Variants in TMEM182 observed in about 807,000 individuals in gnomAD.
TMEM182 encodes the protein transmembrane protein 182.
A neutral mutation model predicts 26.8 loss-of-function variants in TMEM182; 20 were observed. The ratio of observed to expected loss-of-function variants is 0.75; its 90% CI spans 0.53 to 1.09. The LOEUF is 1.09. TMEM182 is among the 50% of genes least tolerant of loss of function. TMEM182 has a pLI of 0.00. For missense variants in TMEM182, 277 were observed against 275.5 expected, an observed-to-expected ratio of 1.01 and a Z score of -0.04; for synonymous variants, 109 against 102.2, an observed-to-expected ratio of 1.07 and a Z score of -0.40.
At chr2:102,749,771 C>T (rs1302222645) in intron 1 of TMEM182, among the ~76,000 whole-genome samples, 1 of 151,758 alleles carries the variant, frequency 6.6e-6, no homozygotes. Flanking sequence ...CTTTGTATGA[C>T]AATATAAAGT....
chr2:102,762,427 T>C (rs1245318646), intron 1 of TMEM182, 78 bp downstream of exon 1: 2 of 1,586,866 alleles, frequency 1.3e-6, no homozygotes, highest in Admixed American at 3.5e-5. Context: ...AATCAGAGAA[T>C]AGTAGTGGAG....
At chr2:102,838,809 A>C (rs1402578514) in intron 3 of TMEM182, among the ~76,000 whole-genome samples, 1 of 152,212 alleles carries the variant, frequency 6.6e-6, no homozygotes, top group African/African-American at 2.4e-5. Context: ...TTAGGCAGAG[A>C]GACCATGAGA....
chr2:102,832,294 T>G (rs1212150770), intron 3 of TMEM182, among the ~76,000 whole-genome samples: 1 of 152,210 alleles, frequency 6.6e-6, no homozygotes, highest in Non-Finnish European at 1.5e-5. Flanking sequence ...CTTTTGGTAT[T>G]GTTATAGTTA....
At chr2:102,766,253 A>G (rs771898567) in intron 3 of TMEM182, among the ~76,000 whole-genome samples, 10 of 152,244 alleles carry the variant, frequency 6.6e-5, no homozygotes, top group Non-Finnish European at 1.3e-4. Context: ...CATGATAATT[A>G]TGATGGAGAT....
chr2:102,814,699 A>G, intron 4 of TMEM182, 49 bp from the exon 5 acceptor site: 1 of 1,539,760 alleles, frequency 6.5e-7, no homozygotes, highest in Non-Finnish European at 8.8e-7. Context: ...AGCGTTCTTG[A>G]GAAAACATCT....
chr2:102,786,908 A>T (rs184591810), intron 3 of TMEM182, among the ~76,000 whole-genome samples: 1 of 152,346 alleles, frequency 6.6e-6, no homozygotes, highest in East Asian at 1.9e-4. Flanking sequence ...TACAGTGCTC[A>T]GTCTAGTGAC....
intron 4 of TMEM182, among the ~76,000 whole-genome samples, chr2:102,804,047 G>A (rs1003595886): frequency 2.6e-5 from 4 of 152,216 alleles, no homozygotes; most frequent in Non-Finnish European, 4.4e-5. Flanking sequence ...TGCACACTGT[G>A]GACAAGCGCA....
intron 4 of TMEM182, among the ~76,000 whole-genome samples, chr2:102,809,202 T>C (rs1378990265): frequency 6.6e-6 from 1 of 152,240 alleles, no homozygotes; most frequent in African/African-American, 2.4e-5. Context: ...GAAGATGTTT[T>C]ATGTATTTTC....
chr2:102,836,764 A>G (rs1445129701), intron 3 of TMEM182, among the ~76,000 whole-genome samples: 1 of 152,216 alleles, frequency 6.6e-6, no homozygotes, highest in Non-Finnish European at 1.5e-5. Context: ...GGACACAGGA[A>G]GAGAACTCGG....
intron 3 of TMEM182, among the ~76,000 whole-genome samples, chr2:102,788,773 A>C (rs1373502155): frequency 6.6e-6 from 1 of 152,132 alleles, no homozygotes; most frequent in Non-Finnish European, 1.5e-5. Flanking sequence ...TTCCTCCCTG[A>C]AGCATCTCCT....
At chr2:102,827,689 G>A (rs978065250) in intron 3 of TMEM182, among the ~76,000 whole-genome samples, 1 of 152,206 alleles carries the variant, frequency 6.6e-6, no homozygotes, top group Non-Finnish European at 1.5e-5. Context: ...CTGAGTGTTA[G>A]GAAAGCAGTT....
Position 102,795,653 on chromosome 2 carries a change from T to G in TMEM182, c.332-2210T>G, listed in dbSNP as rs573828124. ...AAAGACTTTGCTATGCTTCTTGGTC[T>G]GTTTCCTGTGCATGTGCAACTTGGG... On this transcript the variant is annotated intron_variant, in intron 3 of 4. Transcript: ENST00000412401. Among the ~76,000 whole-genome samples the G allele has an allele frequency of 3.9e-5, 6 of 152,340 alleles. No individual in the cohort carries two copies. The South Asian group carries it at 1.0e-3, about 26-fold the overall frequency.
At chr2:102,799,390 G>C (rs1427953264) in intron 4 of TMEM182, among the ~76,000 whole-genome samples, 3 of 152,170 alleles carry the variant, frequency 2.0e-5, no homozygotes, top group African/African-American at 7.2e-5. Context: ...TTTTGTAGGG[G>C]CCAAGAGGAA....
At chr2:102,747,954 TG>T (rs1342271077) in intron 1 of TMEM182, among the ~76,000 whole-genome samples, 2 of 152,186 alleles carry the variant, frequency 1.3e-5, no homozygotes, top group African/African-American at 4.8e-5. Flanking sequence ...AGTGTGTGTG[TG>T]TGTTTTTTTT....
intron 3 of TMEM182, among the ~76,000 whole-genome samples, chr2:102,766,957 TA>T (rs1680476332): frequency 6.6e-6 from 1 of 152,188 alleles, no homozygotes; most frequent in Admixed American, 6.5e-5. Context: ...ATTATCCTTT[TA>T]TAATAAGGAG....
chr2:102,799,657 G>A (rs956618436), intron 4 of TMEM182, among the ~76,000 whole-genome samples: 2 of 152,220 alleles, frequency 1.3e-5, no homozygotes, highest in Non-Finnish European at 2.9e-5. Context: ...CTTCTTCATG[G>A]CTTCACTGAG....
chr2:102,803,777 T>C (rs1184338725), intron 4 of TMEM182, among the ~76,000 whole-genome samples: 1 of 151,556 alleles, frequency 6.6e-6, no homozygotes, highest in African/African-American at 2.4e-5. Context: ...AGCAGGAGAG[T>C]GTGTGGGGCA....
intron 4 of TMEM182, among the ~76,000 whole-genome samples, chr2:102,800,533 C>T (rs773811036): frequency 2.0e-5 from 3 of 152,108 alleles, no homozygotes; most frequent in South Asian, 4.1e-4. Flanking sequence ...ATTTTTCTCA[C>T]CCAAACGACA....
chr2:102,809,054 A>G (rs1349807970), intron 4 of TMEM182, among the ~76,000 whole-genome samples: 1 of 152,258 alleles, frequency 6.6e-6, no homozygotes, highest in African/African-American at 2.4e-5. Context: ...TATGTAAAGT[A>G]TATGTAAATT....
Sources: allele counts gnomAD v4.1 joint callset (sites outside exome capture counted in the v4.1 genomes callset), GRCh38; gene constraint gnomAD v4.1.1; transcripts MANE v1.5; gene names NCBI Gene and HGNC (gene_info 2026-07-23, HGNC 2026-07-21).